The following MAD1L1 variants were observed in gnomAD, a reference collection of about 807,000 sequenced individuals.
MAD1L1 encodes the protein mitotic arrest deficient 1 like 1, also known as mitotic spindle assembly checkpoint protein MAD1.
In MAD1L1, 95 loss-of-function variants were observed where a neutral mutation model predicts 96.9. The observed-to-expected ratio is 0.98, with a 90% CI of 0.83 to 1.16. MAD1L1 has a LOEUF of 1.16. MAD1L1 is among the 50% of genes most tolerant of loss of function. The pLI is 0.00. For synonymous variants in MAD1L1, 473 were observed against 396.6 expected (o/e 1.19, Z -2.29); for missense variants, 1,007 against 954.4 (o/e 1.06, Z -0.73).
intron 17 of MAD1L1, among the ~76,000 whole-genome samples, chr7:1,919,971 C>T (rs183284862): frequency 1.2e-4 from 19 of 152,306 alleles, no homozygotes; most frequent in African/African-American, 4.3e-4. Flanking sequence ...GTCCACCCAA[C>T]GCTTATAGAG....
intron 13 of MAD1L1, among the ~76,000 whole-genome samples, chr7:2,007,984 T>C (rs1399998491): frequency 6.6e-6 from 1 of 152,196 alleles, no homozygotes; most frequent in African/African-American, 2.4e-5. Context: ...CAGGACTCTG[T>C]TTACGTGAAG....
chr7:2,138,143 G>C (rs931298414), intron 11 of MAD1L1, among the ~76,000 whole-genome samples: 4 of 152,266 alleles, frequency 2.6e-5, no homozygotes, highest in African/African-American at 7.2e-5. Flanking sequence ...GCGGACCTGA[G>C]ACTGCTGTTA....
Position 1,816,178 on chromosome 7 carries a change from T to G in MAD1L1, c.2049A>C (p.Ser683=), listed in dbSNP as rs746057084. 1.9e-6 allele frequency: 3 copies of G among 1,613,450 alleles called. No individual in the cohort carries two copies. The Admixed American group carries it at 5.0e-5, about 27-fold the overall frequency. The change falls in exon 19 of 19, where the codon TCA becomes TCC. Residue 683 remains serine (S), a synonymous_variant. Transcript: ENST00000265854. The part of the protein sequence containing the change: ...SKMQLLETEF[S]HTVGELIEVH... ...CCTCGATGAGCTCGCCCACGGTGTG[T>G]GAGAACTCTGTCTCCAGTAGCTGCA...
intron 12 of MAD1L1, among the ~76,000 whole-genome samples, chr7:2,025,787 G>GT (rs1782970861): frequency 6.6e-6 from 1 of 152,128 alleles, no homozygotes; most frequent in South Asian, 2.1e-4. Flanking sequence ...AGGAAAAGAA[G>GT]TATTAATTTT....
At chr7:1,981,837 T>G (rs182345154) in intron 14 of MAD1L1, among the ~76,000 whole-genome samples, 72 of 152,320 alleles carry the variant, frequency 4.7e-4, no homozygotes, top group African/African-American at 1.6e-3. Context: ...CAGGATATGC[T>G]AATTACCCTG....
chr7:2,044,814 C>T (rs769058574), intron 12 of MAD1L1, among the ~76,000 whole-genome samples: 1 of 152,166 alleles, frequency 6.6e-6, no homozygotes, highest in Non-Finnish European at 1.5e-5. Context: ...ATCAGTATGG[C>T]GTAGTCCCCC....
At chr7:1,899,106 C>T (rs1034020783) in intron 17 of MAD1L1, among the ~76,000 whole-genome samples, 1 of 152,230 alleles carries the variant, frequency 6.6e-6, no homozygotes, top group Non-Finnish European at 1.5e-5. Flanking sequence ...TGACATGGCT[C>T]TAAGTGACTA....
At chr7:1,865,770 GAGCGGCTGCTACGGGATCTAC>G (rs1784749706) in intron 18 of MAD1L1, among the ~76,000 whole-genome samples, 2 of 152,272 alleles carry the variant, frequency 1.3e-5, no homozygotes, top group African/African-American at 2.4e-5. Flanking sequence ...CAGACCCAGA[GAGCGGCTGCTACGGGATCTAC>G]AGCGACTGCT....
In MAD1L1 at chr7:1,980,448, C is replaced by T. The variant is rs372207273; in HGVS notation, c.1505+5G>A. On this transcript the variant is annotated splice_donor_5th_base_variant and intron_variant, in intron 15 of 18. Transcript: ENST00000265854. ...GCGTGTCCGCCTCCTCTCTGGGGGA[C>T]GTACCTGAGCGTGTCCGCCTCCTCC... The T allele has an allele frequency of 1.1e-4, 170 of 1,609,210 alleles. 1 individual carries two copies. The highest frequency in any genetic ancestry group is 6.2e-4 in the South Asian group (56 of 90,018).
At chr7:2,068,308 C>T (rs573498265) in intron 12 of MAD1L1, among the ~76,000 whole-genome samples, 1 of 152,300 alleles carries the variant, frequency 6.6e-6, no homozygotes, top group African/African-American at 2.4e-5. Context: ...CCGCCCAGAG[C>T]GAGCTGGAGA....
At chr7:2,210,382 C>G (rs1254621494) in intron 10 of MAD1L1, among the ~76,000 whole-genome samples, 1 of 152,190 alleles carries the variant, frequency 6.6e-6, no homozygotes, top group African/African-American at 2.4e-5. Context: ...GAAATGCACA[C>G]GTTTACCAAA....
intron 17 of MAD1L1, among the ~76,000 whole-genome samples, chr7:1,934,415 G>C (rs1322256036): frequency 1.3e-5 from 2 of 151,974 alleles, no homozygotes; most frequent in African/African-American, 2.4e-5. Flanking sequence ...GACAACAAGG[G>C]AAGGAACAGA....
chr7:2,042,776 G>A (rs532537806), intron 12 of MAD1L1, among the ~76,000 whole-genome samples: 75 of 152,250 alleles, frequency 4.9e-4, no homozygotes, highest in Middle Eastern at 3.4e-3. Flanking sequence ...AGCAGATGCC[G>A]GCGCTGTGCT....
chr7:1,963,872 A>C (rs987664500), intron 15 of MAD1L1, among the ~76,000 whole-genome samples: 6 of 152,316 alleles, frequency 3.9e-5, no homozygotes, highest in Admixed American at 3.9e-4. Flanking sequence ...GCCCAGTGTC[A>C]CCGTCTCTCG....
intron 10 of MAD1L1, among the ~76,000 whole-genome samples, chr7:2,149,465 C>T (rs889150723): frequency 3.3e-5 from 5 of 152,126 alleles, no homozygotes; most frequent in African/African-American, 7.2e-5. Context: ...TAGAAAGCCC[C>T]GATTTTACTT....
chr7:2,228,780 A>G (rs1794044497), intron 3 of MAD1L1, among the ~76,000 whole-genome samples: 1 of 151,124 alleles, frequency 6.6e-6, no homozygotes, highest in Non-Finnish European at 1.5e-5. Flanking sequence ...TCACTCTGTC[A>G]CCCAGGCTGG....
In MAD1L1 at chr7:1,916,473, C is replaced by G. The variant is rs375829161; in HGVS notation, c.1808-18083G>C. 1.9e-4 allele frequency among the ~76,000 whole-genome samples: 29 copies of G among 152,288 alleles called. No individual in the cohort carries two copies. In the East Asian group the frequency reaches 4.2e-3, roughly 22 times the overall value. Reference sequence around the variant, plus strand: ...CACACGTCATGGCACGAGGCGGGGACAGCACGCTGGGCGGTATAGAGAGAG... The same window carrying G: ...CACACGTCATGGCACGAGGCGGGGAGAGCACGCTGGGCGGTATAGAGAGAG... On this transcript the variant is annotated intron_variant, in intron 17 of 18. Coordinates refer to ENST00000265854, the MANE Select transcript of MAD1L1 (RefSeq NM_001013836.2).
intron 11 of MAD1L1, among the ~76,000 whole-genome samples, chr7:2,139,997 C>CCCCCCCCCCCCG (rs375660018): frequency 6.7e-6 from 1 of 148,868 alleles, no homozygotes; most frequent in African/African-American, 2.5e-5. Context: ...CCCCGCCCCC[C>CCCCCCCCCCCCG]CCCAGTCCCT....
At chr7:1,978,841 C>T (rs898591710) in intron 15 of MAD1L1, among the ~76,000 whole-genome samples, 2 of 152,162 alleles carry the variant, frequency 1.3e-5, no homozygotes, top group Non-Finnish European at 2.9e-5. Flanking sequence ...CCATGCTCGG[C>T]CCTAAGGACG....
Sources: allele counts gnomAD v4.1 joint callset (sites outside exome capture counted in the v4.1 genomes callset), GRCh38; gene constraint gnomAD v4.1.1; transcripts MANE v1.5; gene names NCBI Gene and HGNC (gene_info 2026-07-23, HGNC 2026-07-21).